DYM: variants seen among roughly 807,000 people sequenced by gnomAD.
DYM encodes dymeclin, also known as dyggve-Melchior-Clausen syndrome protein.
DYM carries 78 observed loss-of-function variants against 93.1 expected under a neutral mutation model. The observed-to-expected ratio is 0.84, with a 90% CI of 0.70 to 1.01. The LOEUF (loss-of-function observed/expected upper bound fraction) is 1.01. Among genes scored for constraint, DYM ranks in the 50% least tolerant of loss-of-function variants. The pLI is 0.00. For synonymous variants in DYM, 321 were observed against 319.7 expected, an observed-to-expected ratio of 1.00 and a Z score of -0.04; for missense variants, 789 against 845.0, an observed-to-expected ratio of 0.93 and a Z score of 0.82.
chr18:49,335,578 G>T (rs1437962066), intron 6 of DYM, among the ~76,000 whole-genome samples: 1 of 152,180 alleles, frequency 6.6e-6, no homozygotes, highest in Non-Finnish European at 1.5e-5. Flanking sequence ...TACTAATGAT[G>T]ATTTGATTTG....
At position 49,188,621 on chromosome 18, in the gene DYM, T is replaced by C. The variant is rs150310935; in HGVS notation, c.1625+20930A>G. On this transcript the variant is annotated intron_variant, in intron 14 of 17. Transcript: ENST00000675505. ...ACCAAACATCGCGTGTCCTCACTCA[T>C]AGGTGGGAATTGAACAATGAGAACA... is the stretch of plus-strand genomic sequence containing the variant. 2.6e-5 allele frequency among the ~76,000 whole-genome samples: 4 copies of C among 151,450 alleles called. No homozygotes were observed. The East Asian group carries it at 5.8e-4, about 22-fold the overall frequency.
chr18:49,453,787 T>C (rs577409157), intron 1 of DYM, among the ~76,000 whole-genome samples: 48 of 152,310 alleles, frequency 3.2e-4, no homozygotes, highest in African/African-American at 1.2e-3. Flanking sequence ...AACTTCTTAT[T>C]GGGTTTGGTA....
At chr18:49,200,451 T>C (rs929195527) in intron 14 of DYM, among the ~76,000 whole-genome samples, 8 of 151,860 alleles carry the variant, frequency 5.3e-5, no homozygotes, top group Non-Finnish European at 8.8e-5. Context: ...AAATAGAAAA[T>C]AGCAGTATAG....
intron 14 of DYM, among the ~76,000 whole-genome samples, chr18:49,200,807 G>A (rs1255700631): frequency 1.3e-5 from 2 of 152,092 alleles, no homozygotes; most frequent in Non-Finnish European, 2.9e-5. Context: ...TTGTGGAAAT[G>A]ATTAAATCAG....
rs190889441 is a variant in DYM at position 49,142,443 on chromosome 18, G to A, written c.1728+21242C>T. 2.7e-3 allele frequency among the ~76,000 whole-genome samples: 414 copies of A among 152,232 alleles called. 5 individuals are homozygous for A. The highest frequency in any genetic ancestry group is 9.1e-3 in the African/African-American group (377 of 41,542). On this transcript the variant is annotated intron_variant, in intron 15 of 17. Coordinates refer to ENST00000675505, the MANE Select transcript of DYM (RefSeq NM_001353214.3). The stretch of plus-strand genomic sequence containing the variant: ...AAACTGAAGCTTGGACATATGAAGT[G>A]ATTTACCAATGACTTAAGAAATGAG...
chr18:49,437,652 C>A (rs748933374), intron 1 of DYM, among the ~76,000 whole-genome samples: 31 of 152,184 alleles, frequency 2.0e-4, no homozygotes, highest in Non-Finnish European at 4.3e-4. Context: ...GCCTGGCTGC[C>A]TTCTACAGAG....
chr18:49,367,479 T>C (rs1672649634), intron 5 of DYM, among the ~76,000 whole-genome samples: 1 of 152,228 alleles, frequency 6.6e-6, no homozygotes, highest in African/African-American at 2.4e-5. Context: ...GACAGCACTG[T>C]TGTTTTGTCC....
chr18:49,039,660 T>A lies in DYM; in HGVS notation c.*4395A>T, dbSNP rs2070833477. Among the ~76,000 whole-genome samples the A allele has an allele frequency of 6.6e-6, 1 of 152,096 alleles. No homozygotes were observed. The highest frequency in any genetic ancestry group is 2.1e-4 in the South Asian group (1 of 4,816). ...TCAATTTTTCATCTTACTCATTCTC[T>A]TTTCAGTTATTTCTAATCTGCTCTT... On this transcript the variant is annotated 3_prime_UTR_variant, in exon 18 of 18. Coordinates refer to ENST00000675505, the MANE Select transcript of DYM (RefSeq NM_001353214.3).
chr18:49,451,690 A>G (rs1038349113), intron 1 of DYM, among the ~76,000 whole-genome samples: 9 of 152,232 alleles, frequency 5.9e-5, no homozygotes, highest in African/African-American at 2.2e-4. Flanking sequence ...TATGCAAATA[A>G]CAAGGCCAAA....
At chr18:49,385,061 T>C (rs1451936670) in intron 3 of DYM, among the ~76,000 whole-genome samples, 1 of 148,416 alleles carries the variant, frequency 6.7e-6, no homozygotes, top group African/African-American at 2.5e-5. Flanking sequence ...AAAAGTCTCA[T>C]GAACAAAAAG....
At chr18:49,279,237 C>A (rs1313799641) in intron 10 of DYM, among the ~76,000 whole-genome samples, 1 of 152,160 alleles carries the variant, frequency 6.6e-6, no homozygotes, top group Non-Finnish European at 1.5e-5. Flanking sequence ...CCAAGTTAGC[C>A]AACACCTGTC....
At chr18:49,317,452 C>G (rs915636195) in intron 8 of DYM, among the ~76,000 whole-genome samples, 17 of 151,664 alleles carry the variant, frequency 1.1e-4, no homozygotes, top group Non-Finnish European at 7.4e-5. Context: ...AATGGGGCAA[C>G]AGTGAGAAGT....
In DYM at chr18:49,437,778, T is replaced by C. The variant is rs111726581; in HGVS notation, c.-53-7331A>G. Among the ~76,000 whole-genome samples, 1,181 of 152,368 alleles carry C rather than the reference T, an allele frequency of 7.8e-3. 33 individuals carry two copies. Among genetic ancestry groups the C allele is most frequent in the South Asian group, 0.075 (363 of 4,828 alleles). ...TAGATTTTTTTTAAAAAGCAGTTTT[T>C]CAATACAATTTTATTTTGCATCTCT... On this transcript the variant is annotated intron_variant, in intron 1 of 17. Coordinates refer to ENST00000675505, the MANE Select transcript of DYM (RefSeq NM_001353214.3).
chr18:49,209,247 TC>T (rs1357064756), intron 14 of DYM, among the ~76,000 whole-genome samples: 3 of 152,172 alleles, frequency 2.0e-5, no homozygotes, highest in Non-Finnish European at 4.4e-5. Context: ...ATCAGAGCAC[TC>T]CAACTACTAT....
At chr18:49,441,294 T>C (rs1381813706) in intron 1 of DYM, among the ~76,000 whole-genome samples, 2 of 49,814 alleles carry the variant, frequency 4.0e-5, no homozygotes, top group African/African-American at 1.2e-4. Context: ...TTATATATAA[T>C]ATAATTATAT....
At chr18:49,324,325 A>G (rs1024112769) in intron 8 of DYM, among the ~76,000 whole-genome samples, 4 of 152,126 alleles carry the variant, frequency 2.6e-5, no homozygotes, top group African/African-American at 9.7e-5. Flanking sequence ...AGTCTGCATC[A>G]AATATTTTCT....
At chr18:49,306,934 G>T (rs1265979459) in intron 8 of DYM, among the ~76,000 whole-genome samples, 1 of 152,058 alleles carries the variant, frequency 6.6e-6, no homozygotes, top group Non-Finnish European at 1.5e-5. Context: ...ACACAAACTG[G>T]TACCCAGAAA....
At chr18:49,153,903 T>C (rs562952494) in intron 15 of DYM, among the ~76,000 whole-genome samples, 4 of 152,230 alleles carry the variant, frequency 2.6e-5, no homozygotes, top group African/African-American at 9.6e-5. Flanking sequence ...AAATATATAG[T>C]CATTACAAAG....
At chr18:49,429,144 G>C (rs921702669) in intron 2 of DYM, among the ~76,000 whole-genome samples, 8 of 152,226 alleles carry the variant, frequency 5.3e-5, no homozygotes, top group African/African-American at 1.7e-4. Flanking sequence ...AGGGCAGGCT[G>C]AGTCCTCCTC....
Sources: allele counts gnomAD v4.1 joint callset (sites outside exome capture counted in the v4.1 genomes callset), GRCh38; gene constraint gnomAD v4.1.1; transcripts MANE v1.5; gene names NCBI Gene and HGNC (gene_info 2026-07-23, HGNC 2026-07-21).